Variants in NEO1 observed in about 807,000 individuals in gnomAD.
The protein encoded by NEO1 is neogenin 1.
NEO1 carries 63 observed loss-of-function variants against 159.7 expected under a neutral mutation model. That is an observed-to-expected ratio of 0.39 (90% confidence interval 0.32 to 0.49). NEO1 has a LOEUF of 0.49. Ranked by LOEUF, NEO1 falls within the 20% of genes least tolerant of loss-of-function variation. The probability of loss-of-function intolerance (pLI) is 0.85; values close to 1 mark genes in which losing one functional copy is unlikely to be tolerated. For missense variants in NEO1, 1,615 were observed against 1,831.0 expected (o/e 0.88, Z 2.15); for synonymous variants, 633 against 662.0 (o/e 0.96, Z 0.67).
intron 7 of NEO1, among the ~76,000 whole-genome samples, chr15:73,216,589 C>G (rs1207377030): frequency 6.6e-6 from 1 of 152,176 alleles, no homozygotes; most frequent in Non-Finnish European, 1.5e-5. Flanking sequence ...TCCTCTCCAG[C>G]ACCTGTTGTT....
chr15:73,174,113 A>G (rs987986363), intron 5 of NEO1, among the ~76,000 whole-genome samples: 4 of 147,566 alleles, frequency 2.7e-5, no homozygotes, highest in African/African-American at 9.9e-5. Context: ...AAAAAAAAAG[A>G]ATTATTAACT....
chr15:73,115,691 A>G (rs2071271584), intron 1 of NEO1, among the ~76,000 whole-genome samples: 1 of 152,192 alleles, frequency 6.6e-6, no homozygotes, highest in Non-Finnish European at 1.5e-5. Context: ...AGTTTTCTTG[A>G]AGAAAAGTGA....
chr15:73,098,097 A>G (rs2070181834), intron 1 of NEO1, among the ~76,000 whole-genome samples: 1 of 151,980 alleles, frequency 6.6e-6, no homozygotes. Flanking sequence ...ACACACACAC[A>G]CACACCCTCA....
Position 73,227,206 on chromosome 15 carries a change from C to A in NEO1, c.1292-9141C>A, listed in dbSNP as rs559202753. On this transcript the variant is annotated intron_variant, in intron 7 of 28. Coordinates refer to ENST00000261908, the MANE Select transcript of NEO1 (RefSeq NM_002499.4). ...CTCTGATGACTTACTCAATATAAAG[C>A]CGGGTCAGGCCGGGCGCAGTGGCTC... Among the ~76,000 whole-genome samples the A allele has an allele frequency of 8.5e-5, 13 of 152,244 alleles. No individual in the cohort carries two copies. In the East Asian group the frequency reaches 2.5e-3, roughly 29 times the overall value.
chr15:73,111,240 A>G (rs1463566593), intron 1 of NEO1, among the ~76,000 whole-genome samples: 1 of 152,206 alleles, frequency 6.6e-6, no homozygotes, highest in Non-Finnish European at 1.5e-5. Context: ...ACATATTTTA[A>G]TATCAGAAGA....
intron 27 of NEO1, 120 bp from the exon 28 acceptor site, chr15:73,301,201 A>T (rs1055723594): frequency 1.6e-6 from 2 of 1,278,452 alleles, no homozygotes; most frequent in Non-Finnish European, 2.2e-6. Context: ...TCAGAGCAGT[A>T]TCCCTGCACT....
intron 1 of NEO1, among the ~76,000 whole-genome samples, chr15:73,060,592 A>G (rs1476203576): frequency 6.6e-6 from 1 of 151,408 alleles, no homozygotes; most frequent in Non-Finnish European, 1.5e-5. Flanking sequence ...TTAAATTTAT[A>G]GAGTGTTGTA....
At chr15:73,100,430 G>A (rs558143344) in intron 1 of NEO1, among the ~76,000 whole-genome samples, 141 of 152,012 alleles carry the variant, frequency 9.3e-4, no homozygotes, top group African/African-American at 3.2e-3. Flanking sequence ...TGCCTCCCAG[G>A]TTCAAGCGAT....
intron 4 of NEO1, among the ~76,000 whole-genome samples, chr15:73,129,648 T>G (rs2030827273): frequency 6.6e-6 from 1 of 152,178 alleles, no homozygotes; most frequent in African/African-American, 2.4e-5. Flanking sequence ...ATATAAATGC[T>G]AGTGTTCAAG....
At chr15:73,160,384 C>T (rs2034086084) in intron 5 of NEO1, among the ~76,000 whole-genome samples, 1 of 152,018 alleles carries the variant, frequency 6.6e-6, no homozygotes, top group African/African-American at 2.4e-5. Flanking sequence ...AGAAACAGTA[C>T]TACTTACTAA....
At position 73,118,762 on chromosome 15, in the gene NEO1, G is replaced by A. The variant is rs371464757; in HGVS notation, c.448+1905G>A. Among the ~76,000 whole-genome samples the A allele has an allele frequency of 3.3e-5, 5 of 152,272 alleles. No individual in the cohort carries two copies. The East Asian group carries it at 7.7e-4, about 24-fold the overall frequency. The stretch of plus-strand genomic sequence containing the variant: ...CCACTCTTGGCCCTAGGTATCAGGA[G>A]TAAATAGTGCCCAAGCTAAGGGATT... On this transcript the variant is annotated intron_variant, in intron 2 of 28. Coordinates refer to ENST00000261908, the MANE Select transcript of NEO1 (RefSeq NM_002499.4).
chr15:73,069,100 T>G, intron 1 of NEO1, among the ~76,000 whole-genome samples: 1 of 150,552 alleles, frequency 6.6e-6, no homozygotes, highest in Non-Finnish European at 1.5e-5. Context: ...ACTACAGTCA[T>G]GCGTCACCAT....
intron 1 of NEO1, among the ~76,000 whole-genome samples, chr15:73,059,997 A>G (rs1481808691): frequency 6.6e-6 from 1 of 152,228 alleles, no homozygotes; most frequent in East Asian, 1.9e-4. Context: ...TACTATGTGG[A>G]AATTGAAAAC....
chr15:73,223,145 G>A (rs992204409), intron 7 of NEO1, among the ~76,000 whole-genome samples: 2 of 152,166 alleles, frequency 1.3e-5, no homozygotes, highest in Admixed American at 1.3e-4. Flanking sequence ...ATTCCACTGT[G>A]GTCTGAGAGA....
At chr15:73,100,584 C>G (rs917295323) in intron 1 of NEO1, among the ~76,000 whole-genome samples, 3 of 152,170 alleles carry the variant, frequency 2.0e-5, no homozygotes, top group African/African-American at 7.2e-5. Context: ...ATCCACCCAC[C>G]TCAGCCTCCT....
chr15:73,273,034 A>G (rs1047315538), intron 19 of NEO1, among the ~76,000 whole-genome samples: 13 of 149,046 alleles, frequency 8.7e-5, no homozygotes, highest in African/African-American at 3.2e-4. Context: ...GAGACCTGCT[A>G]CTTCAAGTAC....
chr15:73,221,175 G>A (rs2150754924), intron 7 of NEO1, among the ~76,000 whole-genome samples: 1 of 152,294 alleles, frequency 6.6e-6, no homozygotes, highest in Non-Finnish European at 1.5e-5. Flanking sequence ...GTCTGTTGGA[G>A]TTTGCTAGAG....
intron 5 of NEO1, among the ~76,000 whole-genome samples, chr15:73,169,878 G>T (rs1312237063): frequency 6.6e-6 from 1 of 151,776 alleles, no homozygotes; most frequent in Non-Finnish European, 1.5e-5. Context: ...GTGGGTGTGG[G>T]TATGTGCTTA....
chr15:73,235,469 C>T (rs575904842), intron 7 of NEO1, among the ~76,000 whole-genome samples: 17 of 152,268 alleles, frequency 1.1e-4, no homozygotes, highest in Non-Finnish European at 2.2e-4. Flanking sequence ...CCATGGCTAC[C>T]GCTATACAAA....
Sources: gnomAD v4.1 joint callset for allele counts (sites outside exome capture counted in the v4.1 genomes callset) on GRCh38, gnomAD v4.1.1 for gene constraint, MANE v1.5 for transcripts, NCBI Gene and HGNC (gene_info 2026-07-23, HGNC 2026-07-21) for gene names.